The following DST variants were observed in gnomAD, a reference collection of about 807,000 sequenced individuals.
DST encodes dystonin.
In DST, 253 loss-of-function variants were observed where a neutral mutation model predicts 875.2. The observed-to-expected ratio is 0.29, with a 90% confidence interval of 0.26 to 0.32. The LOEUF is 0.32. Ranked by LOEUF, DST falls within the 10% of genes least tolerant of loss-of-function variation. DST has a pLI of 1.00. For synonymous variants in DST, 3,124 were observed against 3,197.1 expected, an observed-to-expected ratio of 0.98 and a Z score of 0.77; for missense variants, 8,287 against 9,111.6, an observed-to-expected ratio of 0.91 and a Z score of 3.68.
intron 36 of DST, chr6:56,615,295 C>A: frequency 1.7e-5 from 23 of 1,319,784 alleles, no homozygotes; most frequent in South Asian, 7.6e-5. Context: ...TTCAAAAAAC[C>A]ATTCTCAAGG....
chr6:56,552,142 A>G (rs1399875891), intron 61 of DST, 42 bp downstream of exon 61: 2 of 1,533,142 alleles, frequency 1.3e-6, no homozygotes, highest in South Asian at 2.6e-5. Flanking sequence ...TAGAAACTTC[A>G]TTGACAATAA....
rs373340565 is a variant in DST, at chr6:56,560,295, T to C, written c.14439A>G (p.Ile4813Met). Residue 4813 changes from isoleucine to methionine, a missense_variant and splice_region_variant, in exon 58 of 104, where the codon ATA (isoleucine) becomes ATG (methionine). By Grantham distance (10) the Ile-to-Met change is conservative (BLOSUM62 1). This residue lies in a region of DST where 1,513 missense variants were observed against 1,677.8 expected (regional missense o/e 0.90). Transcript: ENST00000680361. ...APRWKQMLTE[I>M]DSKWQELNQL... ...ATTCATCTAAGTAACGCAACATACC[T>C]ATTTCTGTCAACATCTGTTTCCATC... 3.1e-5 allele frequency: 50 copies of C among 1,605,538 alleles called. No individual in the cohort carries two copies. The highest frequency in any genetic ancestry group is 3.7e-5 in the Non-Finnish European group (43 of 1,175,956).
intron 9 of DST, chr6:56,692,755 T>C (rs1339680935): frequency 7.8e-7 from 1 of 1,289,824 alleles, no homozygotes; most frequent in Non-Finnish European, 1.0e-6. Context: ...TACTTCTGTT[T>C]CACTGTCTTT....
chr6:56,553,708 T>C (rs2097355956), intron 60 of DST, 53 bp from the exon 61 acceptor site: 3 of 1,514,378 alleles, frequency 2.0e-6, no homozygotes, highest in South Asian at 2.4e-5. Context: ...GTTAATTTAA[T>C]CTATGAAAAG....
chr6:56,911,771 A>T (rs1295232915), intron 2 of DST, among the ~76,000 whole-genome samples: 1 of 152,236 alleles, frequency 6.6e-6, no homozygotes. Context: ...CTTGAGATAC[A>T]GCATCTTCTC....
chr6:56,837,183 T>C (rs1448837853), intron 4 of DST, among the ~76,000 whole-genome samples: 1 of 152,172 alleles, frequency 6.6e-6, no homozygotes, highest in East Asian at 1.9e-4. Flanking sequence ...TTCGTTCCAT[T>C]TAACTACCAA....
chr6:56,938,304 T>G (rs1444823537), intron 2 of DST, among the ~76,000 whole-genome samples: 1 of 151,954 alleles, frequency 6.6e-6, no homozygotes, highest in African/African-American at 2.4e-5. Flanking sequence ...CCAGCTAATT[T>G]TTTTATTTTT....
chr6:56,700,635 G>C (rs886905036), intron 8 of DST, among the ~76,000 whole-genome samples: 5 of 152,034 alleles, frequency 3.3e-5, no homozygotes, highest in Admixed American at 3.3e-4. Context: ...CTGTCAAACT[G>C]TACATTCAGG....
intron 2 of DST, among the ~76,000 whole-genome samples, chr6:56,928,682 C>G (rs1279642164): frequency 6.6e-6 from 1 of 151,966 alleles, no homozygotes; most frequent in Non-Finnish European, 1.5e-5. Context: ...ACTTGGAAAA[C>G]CCAAGAGATT....
chr6:56,726,035 C>T (rs377308323), intron 5 of DST, among the ~76,000 whole-genome samples: 1 of 152,140 alleles, frequency 6.6e-6, no homozygotes, highest in Non-Finnish European at 1.5e-5. Context: ...ATTGTGCCAT[C>T]CAGTCAGGTA....
rs70989721 is a variant in DST, at chr6:56,650,325, CAAAAAAA to C, written c.1434+594_1434+600del. On this transcript the variant is annotated intron_variant, in intron 12 of 103. Transcript: ENST00000680361. ...ATAAGCACTTGTTAGCATAACCACC[CAAAAAAA>C]AAAAAAAAAAAAAAAAGCATCACTG... Among the ~76,000 whole-genome samples the C allele has an allele frequency of 8.1e-3, 397 of 48,732 alleles. 2 individuals are homozygous for C. The highest frequency in any genetic ancestry group is 0.016 in the African/African-American group (202 of 12,772). 32.0% of individuals were successfully genotyped at this position (48,732 alleles called of 152,430 possible). A position where few individuals can be genotyped will look rare whatever the true frequency, so the allele number is the denominator to read the frequency against.
In DST at chr6:56,532,466, T is replaced by C. The variant is rs2096912802; in HGVS notation, c.16986A>G (p.Val5662=). The change falls in exon 64 of 104, where the codon GTA becomes GTG. Residue 5662 remains valine, a synonymous_variant. Coordinates refer to ENST00000680361, the MANE Select transcript of DST (RefSeq NM_001374736.1). ...LLDDRKSTVE[V]IKREGEKIAT... ...CAATTTTTTCTCCTTCTCGTTTGAT[T>C]ACCTCCACCGTAGATTTTCGGTCAT... 6.2e-7 allele frequency: 1 copy of C among 1,610,036 alleles called. No homozygotes were observed. The highest frequency in any genetic ancestry group is 1.3e-5 in the African/African-American group (1 of 74,896).
At chr6:56,864,510 G>A (rs962289299) in intron 3 of DST, among the ~76,000 whole-genome samples, 2 of 151,918 alleles carry the variant, frequency 1.3e-5, no homozygotes, top group African/African-American at 2.4e-5. Flanking sequence ...AAAGTAGGCA[G>A]GACTTTCACC....
intron 4 of DST, among the ~76,000 whole-genome samples, chr6:56,783,452 T>G (rs1385226840): frequency 6.6e-6 from 1 of 152,178 alleles, no homozygotes; most frequent in East Asian, 1.9e-4. Context: ...CTCTTCTTGT[T>G]GAATTGATCC....
chr6:56,625,120 T>C (rs773138301), intron 35 of DST, 37 bp downstream of exon 35: 10 of 1,384,850 alleles, frequency 7.2e-6, no homozygotes, highest in Non-Finnish European at 9.3e-6. Context: ...TTCTTTCTTT[T>C]ATGCCCCTTC....
chr6:56,608,471 A>G lies in DST; in HGVS notation c.6157T>C (p.Leu2053=). The part of the protein sequence containing the change: ...LTVDEAVQCD[L]ITSSSALLVL... ...AGAAGAGCACTGCTGGAAGTTATTA[A>G]ATCACACTGTACTGCTTCGTCTACA... is the stretch of plus-strand genomic sequence containing the variant. The change falls in exon 40 of 104, where the codon TTA becomes CTA. Residue 2053 remains leucine (L), a synonymous_variant. Coordinates refer to ENST00000680361, the MANE Select transcript of DST (RefSeq NM_001374736.1). 6.2e-7 allele frequency: 1 copy of G among 1,613,716 alleles called. No homozygotes were observed. Among genetic ancestry groups the G allele is most frequent in the Non-Finnish European group, 8.5e-7 (1 of 1,179,776 alleles).
In DST at chr6:56,619,566, T is replaced by C. The variant is rs753027671; in HGVS notation, c.4929+4964A>G. On this transcript the variant is annotated intron_variant, in intron 36 of 103. Transcript: ENST00000680361. ...TCAGCTACAGCATGTGCCCTTGTGA[T>C]TCTGTCTACTTCTCTTTGTAGTTTC... 9.9e-6 allele frequency: 16 copies of C among 1,613,874 alleles called. No individual in the cohort carries two copies. In the Admixed American group the frequency reaches 2.5e-4, roughly 25 times the overall value.
intron 2 of DST, among the ~76,000 whole-genome samples, chr6:56,938,106 C>CTA (rs1278821103): frequency 6.7e-5 from 2 of 30,038 alleles, no homozygotes; most frequent in African/African-American, 1.8e-4. Flanking sequence ...CTCTCTCTCT[C>CTA]TCTATATATA....
chr6:56,527,823 T>G (rs1442581924), intron 67 of DST, 89 bp from the exon 68 acceptor site: 4 of 1,338,108 alleles, frequency 3.0e-6, no homozygotes, highest in East Asian at 4.8e-5. Flanking sequence ...CTGATGAAAT[T>G]TCCACAGAAC....
Sources: gnomAD v4.1 joint callset for allele counts (sites outside exome capture counted in the v4.1 genomes callset) on GRCh38, gnomAD v4.1.1 for gene constraint, gnomAD v4.1.1 regional missense constraint, MANE v1.5 for transcripts, NCBI Gene and HGNC (gene_info 2026-07-23, HGNC 2026-07-21) for gene names.